Variants in HUWE1 observed in about 807,000 individuals in gnomAD.
HUWE1 encodes the protein E3 ubiquitin-protein ligase HUWE1.
In HUWE1, 18 loss-of-function variants were observed where a neutral mutation model predicts 299.4. The ratio of observed to expected loss-of-function variants is 0.06; its 90% CI spans 0.04 to 0.09. The LOEUF is 0.09. HUWE1 is among the 10% of genes least tolerant of loss of function. The pLI, the probability that HUWE1 is intolerant of heterozygous loss-of-function variation, is 1.00. For synonymous variants in HUWE1, 1,317 were observed against 1,286.1 expected, an observed-to-expected ratio of 1.02 and a Z score of -0.51; for missense variants, 1,832 against 3,462.3, an observed-to-expected ratio of 0.53 and a Z score of 11.82.
chrX:53,634,937 C>T lies in HUWE1; in HGVS notation c.505-639G>A, dbSNP rs2067110458. ...CACATAGTCTCACTTACTAACTAGCCTGCATCTTAACAGCCTTTAAAATAT... is the reference window on the plus strand; with the variant it reads ...CACATAGTCTCACTTACTAACTAGCTTGCATCTTAACAGCCTTTAAAATAT... On this transcript the variant is annotated intron_variant, in intron 7 of 83. Coordinates refer to ENST00000262854, the MANE Select transcript of HUWE1 (RefSeq NM_031407.7). 5.3e-5 allele frequency among the ~76,000 whole-genome samples: 6 copies of T among 112,189 alleles called. No individual in the cohort carries two copies. In the South Asian group the frequency reaches 2.2e-3, roughly 41 times the overall value.
chrX:53,607,438 A>G, intron 25 of HUWE1, 85 bp downstream of exon 25: 1 of 831,558 alleles, frequency 1.2e-6, no homozygotes, highest in Non-Finnish European at 1.8e-6. Context: ...AGTTGAAGGG[A>G]GACCATAGTA....
chrX:53,534,681 C>T lies in HUWE1; in HGVS notation c.12666G>A (p.Gln4222=). The T allele has an allele frequency of 1.7e-6, 2 of 1,211,084 alleles. No individual in the cohort carries two copies. Among genetic ancestry groups the T allele is most frequent in the Non-Finnish European group, 2.2e-6 (2 of 895,235 alleles). ...AGAAGCCTTCTAAGAAAGCCGCCAA[C>T]TGCTTGCGGATGGCTCCTGGTGAGA... is the stretch of plus-strand genomic sequence containing the variant. The part of the protein sequence containing the change: ...QMRMTGAIRK[Q]LAAFLEGFYE... Residue 4222 remains glutamine, a synonymous_variant, in exon 82 of 84, where the codon CAG becomes CAA. Transcript: ENST00000262854.
At chrX:53,569,496 G>C (rs959497494) in intron 48 of HUWE1, 120 bp downstream of exon 48, 2 of 640,587 alleles carry the variant, frequency 3.1e-6, no homozygotes, top group Non-Finnish European at 5.2e-6. Flanking sequence ...GAGCGGACCA[G>C]AGAGTATATG....
At chrX:53,569,290 G>A (rs1276072720) in intron 48 of HUWE1, among the ~76,000 whole-genome samples, 2 of 112,680 alleles carry the variant, frequency 1.8e-5, no homozygotes, top group Non-Finnish European at 3.8e-5. Flanking sequence ...CTCCCAAAGC[G>A]CTGGGATTAC....
chrX:53,568,832 G>A lies in HUWE1; in HGVS notation c.6567C>T (p.Ser2189=). The A allele has an allele frequency of 1.7e-6, 2 of 1,207,461 alleles. No individual in the cohort carries two copies. Among genetic ancestry groups the A allele is most frequent in the South Asian group, 3.6e-5 (2 of 56,082 alleles). Residue 2189 remains serine, a synonymous_variant, in exon 49 of 84, where the codon TCC becomes TCT. Transcript: ENST00000262854. The part of the protein sequence containing the change: ...VMCIISTIME[S]CPSTSSFYSS... ...TGTAGAAGCTGGAGGTGGAGGGGCA[G>A]GACTCCATGATAGTACTGATGATAC... is the stretch of plus-strand genomic sequence containing the variant.
intron 47 of HUWE1, among the ~76,000 whole-genome samples, chrX:53,572,531 T>C (rs2062882029): frequency 8.9e-6 from 1 of 111,846 alleles, no homozygotes; most frequent in Non-Finnish European, 1.9e-5. Context: ...AACCATAAAA[T>C]TACAATGTGA....
At chrX:53,563,888 A>T (rs952381012) in intron 51 of HUWE1, 67 bp from the exon 52 acceptor site, 6 of 1,084,865 alleles carry the variant, frequency 5.5e-6, no homozygotes, top group Non-Finnish European at 7.6e-6. Context: ...CCGAAACCCT[A>T]AAAAAGGCCA....
intron 43 of HUWE1, among the ~76,000 whole-genome samples, chrX:53,578,844 G>A (rs1238560815): frequency 8.6e-5 from 7 of 81,606 alleles, no homozygotes; most frequent in South Asian, 6.8e-4. Context: ...CGCCCAGTCC[G>A]GGAGGGAGGT....
At position 53,594,627 on chromosome X, in the gene HUWE1, A is replaced by G. The variant is rs2064350305; in HGVS notation, c.3381-6T>C. The G allele has an allele frequency of 8.3e-7, 1 of 1,208,216 alleles. No individual in the cohort carries two copies. The highest frequency in any genetic ancestry group is 1.8e-5 in the African/African-American group (1 of 57,117). On this transcript the variant is annotated splice_region_variant and splice_polypyrimidine_tract_variant and intron_variant, in intron 30 of 83. Transcript: ENST00000262854. The stretch of plus-strand genomic sequence containing the variant: ...AACAGATGAAGAATGTCAGCCTGAA[A>G]GTGGAAAAAAAGGCAAAACTTTAAC...
At chrX:53,589,372 T>C (rs1001188740) in intron 36 of HUWE1, among the ~76,000 whole-genome samples, 175 bp downstream of exon 36, 1 of 112,174 alleles carries the variant, frequency 8.9e-6, no homozygotes, top group Non-Finnish European at 1.9e-5. Context: ...GACATTTTTG[T>C]GTGTGCGATG....
At chrX:53,607,466 G>A in intron 25 of HUWE1, 57 bp downstream of exon 25, 1 of 1,080,304 alleles carries the variant, frequency 9.3e-7, no homozygotes, top group Non-Finnish European at 1.3e-6. Context: ...ATATACAGAA[G>A]TATCGCAAAA....
chrX:53,607,401 A>T (rs1001807633), intron 25 of HUWE1, 122 bp downstream of exon 25: 4 of 591,543 alleles, frequency 6.8e-6, no homozygotes. Flanking sequence ...CTTATACAAC[A>T]TAACACAAAT....
At chrX:53,586,374 T>C in intron 39 of HUWE1, 116 bp downstream of exon 39, 1 of 510,236 alleles carries the variant, frequency 2.0e-6, no homozygotes. Context: ...CCTTAAGAGA[T>C]TTATACATTG....
intron 47 of HUWE1, among the ~76,000 whole-genome samples, chrX:53,571,099 C>CATATGGGAGTA (rs2062805158): frequency 1.8e-5 from 2 of 112,064 alleles, no homozygotes; most frequent in Non-Finnish European, 3.8e-5. Context: ...CCTCTTTGAG[C>CATATGGGAGTA]CTTCTCTCCT....
intron 6 of HUWE1, among the ~76,000 whole-genome samples, chrX:53,646,218 C>CATGA (rs1441998827): frequency 3.6e-5 from 4 of 110,759 alleles, no homozygotes; most frequent in Non-Finnish European, 5.7e-5. Context: ...AGTGCAAAGG[C>CATGA]ATGATCATAG....
chrX:53,621,955 G>A (rs1557012722), intron 19 of HUWE1, among the ~76,000 whole-genome samples: 1 of 112,269 alleles, frequency 8.9e-6, no homozygotes, highest in African/African-American at 3.2e-5. Flanking sequence ...GGTAAGGCAG[G>A]AGGTGAGAAA....
At chrX:53,540,662 G>A (rs981314451) in intron 74 of HUWE1, among the ~76,000 whole-genome samples, 11 of 111,938 alleles carry the variant, frequency 9.8e-5, no homozygotes, top group African/African-American at 3.6e-4. Context: ...CTTGTCCTGG[G>A]GCAGTTTAAA....
Position 53,559,547 on chromosome X carries a change from T to C in HUWE1, c.7737-15A>G. ...GACCAAGCAACCTGTAGGGTAATGG[T>C]GGGTACCATGATCACTGTTAAGTCC... On this transcript the variant is annotated splice_polypyrimidine_tract_variant and intron_variant, in intron 56 of 83. Coordinates refer to ENST00000262854, the MANE Select transcript of HUWE1 (RefSeq NM_031407.7). 1 of 1,201,324 alleles carries C rather than the reference T, an allele frequency of 8.3e-7. No individual in the cohort carries two copies. Among genetic ancestry groups the C allele is most frequent in the East Asian group, 3.0e-5 (1 of 33,696 alleles).
intron 25 of HUWE1, among the ~76,000 whole-genome samples, chrX:53,606,629 G>T (rs1603051424): frequency 8.9e-6 from 1 of 111,854 alleles, no homozygotes; most frequent in Non-Finnish European, 1.9e-5. Flanking sequence ...TACACACAAT[G>T]GAATATTATT....
Sources: allele counts gnomAD v4.1 joint callset (sites outside exome capture counted in the v4.1 genomes callset), GRCh38; gene constraint gnomAD v4.1.1; transcripts MANE v1.5; gene names NCBI Gene and HGNC (gene_info 2026-07-23, HGNC 2026-07-21).